ZBBX: variants seen among roughly 807,000 people sequenced by gnomAD.
ZBBX encodes zinc finger B-box domain-containing protein 1.
A neutral mutation model predicts 108.5 loss-of-function variants in ZBBX; 101 were observed. The ratio of observed to expected loss-of-function variants is 0.93; its 90% CI spans 0.79 to 1.10. ZBBX has a LOEUF of 1.10. Ranked by LOEUF, ZBBX falls within the 50% of genes least tolerant of loss-of-function variation. ZBBX has a pLI of 0.00. For missense variants in ZBBX, 1,009 were observed against 941.4 expected, an observed-to-expected ratio of 1.07 and a Z score of -0.94; for synonymous variants, 356 against 323.4, an observed-to-expected ratio of 1.10 and a Z score of -1.08.
chr3:167,320,796 T>C (rs1736313830), intron 12 of ZBBX, among the ~76,000 whole-genome samples: 1 of 151,764 alleles, frequency 6.6e-6, no homozygotes, highest in Non-Finnish European at 1.5e-5. Context: ...TCACAGTGTA[T>C]AACCTCAGTC....
the ZBBX span, among the ~76,000 whole-genome samples, chr3:167,223,540 C>A: frequency 6.6e-6 from 1 of 151,872 alleles, no homozygotes; most frequent in Non-Finnish European, 1.5e-5. Flanking sequence ...CTTAACCTTC[C>A]TGGACCTCAG....
intron 6 of ZBBX, among the ~76,000 whole-genome samples, chr3:167,363,288 A>T (rs1039259573): frequency 2.0e-5 from 3 of 151,866 alleles, no homozygotes; most frequent in Non-Finnish European, 4.4e-5. Context: ...CCCAACCACA[A>T]TTCCCACAGT....
chr3:167,360,561 G>C, intron 7 of ZBBX, 114 bp downstream of exon 7: 1 of 545,928 alleles, frequency 1.8e-6, no homozygotes, highest in Non-Finnish European at 2.9e-6. Context: ...TGATTTGGGG[G>C]TTTAGAATCT....
chr3:167,275,738 A>C (rs1727443353), intron 20 of ZBBX, among the ~76,000 whole-genome samples: 1 of 152,206 alleles, frequency 6.6e-6, no homozygotes, highest in Admixed American at 6.5e-5. Flanking sequence ...GCTTAGGTAA[A>C]CAAAGCAGCC....
chr3:167,259,044 T>C (rs1724005626), intron 20 of ZBBX, among the ~76,000 whole-genome samples: 2 of 152,118 alleles, frequency 1.3e-5, no homozygotes, highest in Non-Finnish European at 1.5e-5. Flanking sequence ...GGCAAAAGGA[T>C]TGGTACCAAT....
At chr3:167,260,496 C>A (rs1257673474) in intron 20 of ZBBX, among the ~76,000 whole-genome samples, 1 of 152,174 alleles carries the variant, frequency 6.6e-6, no homozygotes, top group East Asian at 1.9e-4. Context: ...TTAACATAAT[C>A]TCAGACTTCT....
At chr3:167,289,916 T>C (rs1387640935) in intron 18 of ZBBX, among the ~76,000 whole-genome samples, 2 of 151,978 alleles carry the variant, frequency 1.3e-5, no homozygotes, top group East Asian at 3.9e-4. Context: ...GTGTCTGCCA[T>C]TACTGAGGCT....
chr3:167,380,876 A>G (rs13079718), upstream of ZBBX, among the ~76,000 whole-genome samples: 38 of 137,472 alleles, frequency 2.8e-4, no homozygotes, highest in African/African-American at 8.1e-4. Context: ...GCACACACAC[A>G]CACACACACA....
chr3:167,203,657 G>GAAAAAACCT, the ZBBX span, among the ~76,000 whole-genome samples: 1 of 152,060 alleles, frequency 6.6e-6, no homozygotes, highest in Non-Finnish European at 1.5e-5. Flanking sequence ...GCTTAAGGAA[G>GAAAAAACCT]CATATAACAG....
At chr3:167,198,506 A>C in the ZBBX span, among the ~76,000 whole-genome samples, 1 of 152,180 alleles carries the variant, frequency 6.6e-6, no homozygotes, top group Non-Finnish European at 1.5e-5. Flanking sequence ...GTCAATTAAA[A>C]ATATATTAAT....
chr3:167,298,172 A>T, intron 18 of ZBBX, 133 bp downstream of exon 18: 1 of 596,562 alleles, frequency 1.7e-6, no homozygotes, highest in South Asian at 4.5e-5. Flanking sequence ...TTAAATGTAA[A>T]TATATGGCAA....
intron 18 of ZBBX, among the ~76,000 whole-genome samples, chr3:167,289,747 C>T (rs1200400239): frequency 6.6e-6 from 1 of 152,108 alleles, no homozygotes; most frequent in Non-Finnish European, 1.5e-5. Context: ...ATGAGTGAGA[C>T]AGAAGCCAGG....
intron 17 of ZBBX, among the ~76,000 whole-genome samples, chr3:167,298,709 C>A (rs1475429561): frequency 6.6e-6 from 1 of 151,950 alleles, no homozygotes; most frequent in East Asian, 1.9e-4. Context: ...ATAAAATAAA[C>A]TTTTTTTCTC....
intron 1 of ZBBX, among the ~76,000 whole-genome samples, chr3:167,393,430 T>G (rs1158316667): frequency 6.6e-6 from 1 of 151,950 alleles, no homozygotes; most frequent in African/African-American, 2.4e-5. Context: ...TTATTCATTT[T>G]TATTGATTTT....
intron 6 of ZBBX, among the ~76,000 whole-genome samples, chr3:167,362,681 C>G (rs1744707619): frequency 1.3e-5 from 2 of 152,104 alleles, no homozygotes. Context: ...TTTGCTTAGA[C>G]ACAATCTTCA....
chr3:167,381,851 G>C (rs1577139945), upstream of ZBBX, among the ~76,000 whole-genome samples: 1 of 152,160 alleles, frequency 6.6e-6, no homozygotes, highest in East Asian at 1.9e-4. Context: ...CATGTCAGCT[G>C]CTATGAAGAA....
intron 20 of ZBBX, among the ~76,000 whole-genome samples, chr3:167,261,823 C>G (rs1724597230): frequency 6.6e-6 from 1 of 151,496 alleles, no homozygotes; most frequent in African/African-American, 2.4e-5. Context: ...CTTGGTTCTT[C>G]CCCTACCTGT....
chr3:167,246,294 A>G (rs1553779271), intron 20 of ZBBX, among the ~76,000 whole-genome samples: 2 of 152,208 alleles, frequency 1.3e-5, no homozygotes, highest in Non-Finnish European at 2.9e-5. Flanking sequence ...CTGTCATTCT[A>G]TCTCTTTGTA....
At chr3:167,231,755 A>C in the ZBBX span, among the ~76,000 whole-genome samples, 1 of 151,852 alleles carries the variant, frequency 6.6e-6, no homozygotes, top group East Asian at 1.9e-4. Flanking sequence ...TTTTTAAACA[A>C]GTTTTCCCAA....
Sources: gnomAD v4.1 joint callset for allele counts (sites outside exome capture counted in the v4.1 genomes callset) on GRCh38, gnomAD v4.1.1 for gene constraint, MANE v1.5 for transcripts, NCBI Gene and HGNC (gene_info 2026-07-23, HGNC 2026-07-21) for gene names.